Variants in GALNT2 observed in about 807,000 individuals in gnomAD.
GALNT2 encodes the protein polypeptide N-acetylgalactosaminyltransferase 2.
A neutral mutation model predicts 81.4 loss-of-function variants in GALNT2; 31 were observed. That is an observed-to-expected ratio of 0.38 (90% CI 0.29 to 0.51). The LOEUF (loss-of-function observed/expected upper bound fraction) is 0.51, where lower values mean the gene tolerates loss of function less well. Ranked by LOEUF, GALNT2 falls within the 20% of genes least tolerant of loss-of-function variation. GALNT2 has a pLI of 0.87. For synonymous variants in GALNT2, 303 were observed against 287.4 expected (o/e 1.05, Z -0.55); for missense variants, 629 against 765.7 (o/e 0.82, Z 2.11).
intron 1 of GALNT2, among the ~76,000 whole-genome samples, chr1:230,114,111 T>C (rs1313729848): frequency 6.6e-6 from 1 of 152,172 alleles, no homozygotes; most frequent in African/African-American, 2.4e-5. Flanking sequence ...TGGCTTCTGT[T>C]AGGACAGGGG....
chr1:230,061,546 T>A (rs1440355813), intron 1 of GALNT2, among the ~76,000 whole-genome samples: 1 of 152,238 alleles, frequency 6.6e-6, no homozygotes, highest in Admixed American at 6.5e-5. Context: ...ATAATATAAT[T>A]GGATTCAGAT....
chr1:230,156,830 T>C (rs72760067), intron 1 of GALNT2, among the ~76,000 whole-genome samples: 14,399 of 152,194 alleles, frequency 0.095, 876 homozygotes, highest in South Asian at 0.19. Context: ...AGATGAAATG[T>C]TGGGGAGACA....
intron 1 of GALNT2, among the ~76,000 whole-genome samples, chr1:230,108,030 A>G (rs763677896): frequency 7.9e-5 from 12 of 152,220 alleles, no homozygotes; most frequent in Non-Finnish European, 1.0e-4. Flanking sequence ...GGTATTGCCC[A>G]GGCTTGGGCA....
intron 3 of GALNT2, among the ~76,000 whole-genome samples, chr1:230,219,200 T>G (rs1363182455): frequency 6.6e-6 from 1 of 152,260 alleles, no homozygotes; most frequent in Non-Finnish European, 1.5e-5. Context: ...CTCTGGCATC[T>G]TTGCCATGGC....
chr1:230,208,292 G>C (rs376865265), intron 3 of GALNT2, among the ~76,000 whole-genome samples: 26 of 152,186 alleles, frequency 1.7e-4, no homozygotes, highest in Admixed American at 9.8e-4. Flanking sequence ...GGGGCCAACA[G>C]GATGTGCTAA....
chr1:230,241,289 G>A (rs937906129), intron 6 of GALNT2, among the ~76,000 whole-genome samples: 1 of 152,018 alleles, frequency 6.6e-6, no homozygotes, highest in Non-Finnish European at 1.5e-5. Flanking sequence ...AATTGACATT[G>A]TGGATGATAT....
chr1:230,257,991 T>C lies in GALNT2; in HGVS notation c.1136+2647T>C, dbSNP rs541900802. Among the ~76,000 whole-genome samples, 517 of 152,286 alleles carry C rather than the reference T, an allele frequency of 3.4e-3. 3 individuals are homozygous for C. Among genetic ancestry groups the C allele is most frequent in the Non-Finnish European group, 5.7e-3 (388 of 68,024 alleles). On this transcript the variant is annotated intron_variant, in intron 11 of 15. Transcript: ENST00000366672. The surrounding 1 kb of genome is among the most constrained non-coding windows in gnomAD (Gnocchi z 4.6). ...GTGCAAAGGTGCGATCTCGGCTCACTGCAACCTCCACTTCCCAGATTCAAG... is the reference window on the plus strand; with the variant it reads ...GTGCAAAGGTGCGATCTCGGCTCACCGCAACCTCCACTTCCCAGATTCAAG...
At chr1:230,058,204 T>G in intron 1 of GALNT2, 1 of 436,022 alleles carries the variant, frequency 2.3e-6, no homozygotes, top group Non-Finnish European at 4.6e-6. Flanking sequence ...GGCCCAACTC[T>G]CAGGCTCACT....
chr1:230,064,876 C>G (rs560758769), upstream of GALNT2, among the ~76,000 whole-genome samples: 1 of 152,302 alleles, frequency 6.6e-6, no homozygotes, highest in South Asian at 2.1e-4. Context: ...TGTTGCTGTT[C>G]AGAAGTCTGA....
chr1:230,067,839 T>A (rs1284783133), intron 1 of GALNT2, among the ~76,000 whole-genome samples: 1 of 152,208 alleles, frequency 6.6e-6, no homozygotes, highest in Non-Finnish European at 1.5e-5. Flanking sequence ...TTTTCAGCCC[T>A]TTGATACCAG....
chr1:230,065,747 C>T (rs1474658961), upstream of GALNT2, among the ~76,000 whole-genome samples: 1 of 152,064 alleles, frequency 6.6e-6, no homozygotes, highest in Non-Finnish European at 1.5e-5. Context: ...GCTGTCTTCT[C>T]TTTCATTTCT....
chr1:230,088,087 G>A (rs896674047), intron 1 of GALNT2, among the ~76,000 whole-genome samples: 5 of 151,964 alleles, frequency 3.3e-5, no homozygotes, highest in African/African-American at 9.7e-5. Flanking sequence ...CGCCCCCAAT[G>A]TTTTTGCTTT....
At chr1:230,102,142 C>T (rs1234676103) in intron 1 of GALNT2, among the ~76,000 whole-genome samples, 1 of 152,264 alleles carries the variant, frequency 6.6e-6, no homozygotes, top group East Asian at 1.9e-4. Flanking sequence ...CAAAACTTTG[C>T]CTGTTCTCTT....
upstream of GALNT2, among the ~76,000 whole-genome samples, chr1:230,063,756 C>G (rs1458239934): frequency 6.6e-6 from 1 of 151,824 alleles, no homozygotes; most frequent in Non-Finnish European, 1.5e-5. Context: ...TAAATTGTCC[C>G]TCTTCATCTC....
chr1:230,087,499 C>T (rs1252202686), intron 1 of GALNT2, among the ~76,000 whole-genome samples: 1 of 152,180 alleles, frequency 6.6e-6, no homozygotes, highest in East Asian at 1.9e-4. Flanking sequence ...TGTTAACCAG[C>T]GGTTTTCAAT....
chr1:230,129,234 G>A (rs902016579), intron 1 of GALNT2, among the ~76,000 whole-genome samples: 24 of 152,350 alleles, frequency 1.6e-4, no homozygotes, highest in East Asian at 9.6e-4. Context: ...GATATGCTGC[G>A]AATTTTTCTG....
At chr1:230,178,145 G>T (rs895446734) in intron 1 of GALNT2, 73 bp from the exon 2 acceptor site, 2 of 1,188,302 alleles carry the variant, frequency 1.7e-6, no homozygotes, top group Non-Finnish European at 2.5e-6. Flanking sequence ...CTAAGACTCG[G>T]TATGTATTGA....
chr1:230,233,254 G>A (rs562449588), intron 3 of GALNT2, among the ~76,000 whole-genome samples: 1 of 152,138 alleles, frequency 6.6e-6, no homozygotes, highest in Non-Finnish European at 1.5e-5. Flanking sequence ...TCCCATCTGA[G>A]ATATTATCTC....
intron 1 of GALNT2, among the ~76,000 whole-genome samples, chr1:230,164,444 C>T (rs1662535710): frequency 6.6e-6 from 1 of 152,024 alleles, no homozygotes; most frequent in Non-Finnish European, 1.5e-5. Flanking sequence ...AAGTGATGTA[C>T]ATAGAGGAGA....
Sources: gnomAD v4.1 joint callset for allele counts (sites outside exome capture counted in the v4.1 genomes callset) on GRCh38, gnomAD v4.1.1 for gene constraint, Gnocchi (gnomAD v3.1) non-coding constraint, MANE v1.5 for transcripts, NCBI Gene and HGNC (gene_info 2026-07-23, HGNC 2026-07-21) for gene names.